PAPPA: variants seen among roughly 807,000 people sequenced by gnomAD.
The protein encoded by PAPPA is pappalysin-1.
In PAPPA, 60 loss-of-function variants were observed where a neutral mutation model predicts 164.0. That is an observed-to-expected ratio of 0.37 (90% CI 0.30 to 0.45). The LOEUF (loss-of-function observed/expected upper bound fraction) is 0.45. Among genes scored for constraint, PAPPA ranks in the 20% least tolerant of loss-of-function variants. The pLI is 1.00. For synonymous variants in PAPPA, 875 were observed against 814.1 expected (o/e 1.07, Z -1.27); for missense variants, 1,782 against 2,087.3 (o/e 0.85, Z 2.85).
intron 1 of PAPPA, among the ~76,000 whole-genome samples, chr9:116,181,326 CTCTCTCTCTCTCTT>C (rs535740441): frequency 0.029 from 4,382 of 151,010 alleles, 189 homozygotes; most frequent in East Asian, 0.12. Context: ...TCCAAGACCT[CTCTCTCTCTCTCTT>C]TCTCTCTCTC....
Position 116,399,133 on chromosome 9 carries a change from T to C in PAPPA, c.*2517T>C, listed in dbSNP as rs1477768369. 2 of 158,430 alleles carry C rather than the reference T, an allele frequency of 1.3e-5. No individual in the cohort carries two copies. The highest frequency in any genetic ancestry group is 1.3e-4 in the Admixed American group (2 of 15,916). The allele number at this position is 158,430 out of a possible 1,614,324, so 9.8% of individuals were successfully genotyped here. ...TTCCCTCAAATCAGTCCTTATCCTC[T>C]TTCTATCTTCACTCCCATCATCATC... On this transcript the variant is annotated 3_prime_UTR_variant, in exon 22 of 22. Coordinates refer to ENST00000328252, the MANE Select transcript of PAPPA (RefSeq NM_002581.5).
intron 21 of PAPPA, among the ~76,000 whole-genome samples, chr9:116,386,437 T>C (rs910040356): frequency 6.6e-6 from 1 of 152,192 alleles, no homozygotes; most frequent in African/African-American, 2.4e-5. Context: ...TCAGACACTC[T>C]GCGAGACACT....
intron 13 of PAPPA, among the ~76,000 whole-genome samples, chr9:116,337,033 C>CA (rs1397399322): frequency 6.6e-6 from 1 of 152,128 alleles, no homozygotes; most frequent in Non-Finnish European, 1.5e-5. Context: ...CTCAGAGAAA[C>CA]AGAGTGAGTG....
intron 19 of PAPPA, among the ~76,000 whole-genome samples, chr9:116,376,153 T>C (rs1251299917): frequency 6.6e-6 from 1 of 151,918 alleles, no homozygotes; most frequent in Non-Finnish European, 1.5e-5. Context: ...CCCAAGTAGC[T>C]GGGACTACAG....
At chr9:116,341,734 G>A (rs1220608424) in intron 13 of PAPPA, among the ~76,000 whole-genome samples, 8 of 152,214 alleles carry the variant, frequency 5.3e-5, no homozygotes, top group Non-Finnish European at 8.8e-5. Flanking sequence ...CTGGTGCTCA[G>A]TAAAGCCCCC....
chr9:116,395,209 G>C (rs1027244513), intron 21 of PAPPA, among the ~76,000 whole-genome samples: 6 of 152,108 alleles, frequency 3.9e-5, no homozygotes, highest in African/African-American at 1.4e-4. Context: ...GAGAGAGCTG[G>C]GGCATATACT....
chr9:116,396,298 C>G (rs946990005), intron 21 of PAPPA, among the ~76,000 whole-genome samples: 6 of 152,166 alleles, frequency 3.9e-5, no homozygotes, highest in African/African-American at 1.2e-4. Context: ...ATGCCTGACC[C>G]ATAGCAAGTG....
intron 18 of PAPPA, among the ~76,000 whole-genome samples, chr9:116,363,852 G>T (rs1846463138): frequency 1.3e-5 from 2 of 152,316 alleles, no homozygotes; most frequent in South Asian, 4.1e-4. Context: ...GAAAACACAT[G>T]CCCTCAGATA....
chr9:116,352,009 C>T (rs1846288388), intron 15 of PAPPA, among the ~76,000 whole-genome samples: 1 of 152,230 alleles, frequency 6.6e-6, no homozygotes. Context: ...AAAAGCCTAA[C>T]TCCCGTGTTT....
In PAPPA at chr9:116,282,622, C is replaced by A. The variant is rs112225245; in HGVS notation, c.2953+11206C>A. 1.7e-3 allele frequency among the ~76,000 whole-genome samples: 265 copies of A among 152,336 alleles called. 1 individual carries two copies. Among genetic ancestry groups the A allele is most frequent in the African/African-American group, 6.0e-3 (249 of 41,574 alleles). ...AGGAAATGGAGGCACAGAGATGTTACGTTCCCAGTAAGGGATTCTAGCCCT... is the reference window on the plus strand; with the variant it reads ...AGGAAATGGAGGCACAGAGATGTTAAGTTCCCAGTAAGGGATTCTAGCCCT... On this transcript the variant is annotated intron_variant, in intron 9 of 21. Transcript: ENST00000328252.
intron 12 of PAPPA, among the ~76,000 whole-genome samples, chr9:116,334,358 A>C (rs1408360970): frequency 6.6e-6 from 1 of 151,752 alleles, no homozygotes; most frequent in Non-Finnish European, 1.5e-5. Flanking sequence ...ACGATTCTCA[A>C]CCTCTTCTGC....
intron 1 of PAPPA, among the ~76,000 whole-genome samples, chr9:116,157,538 T>C (rs1457743093): frequency 6.6e-6 from 1 of 151,836 alleles, no homozygotes; most frequent in East Asian, 1.9e-4. Flanking sequence ...GTGAAAAGGG[T>C]CCTCAGAGGT....
intron 20 of PAPPA, 80 bp from the exon 21 acceptor site, chr9:116,382,315 C>T (rs766821192): frequency 4.8e-5 from 41 of 856,496 alleles, no homozygotes; most frequent in Non-Finnish European, 7.7e-5. Flanking sequence ...GACAGACACC[C>T]GAAGGACTGC....
At chr9:116,355,954 T>C (rs762373497) in intron 17 of PAPPA, among the ~76,000 whole-genome samples, 39 of 152,214 alleles carry the variant, frequency 2.6e-4, no homozygotes, top group Non-Finnish European at 3.8e-4. Context: ...AATCTAGTAT[T>C]CACCTCAGAT....
At chr9:116,238,448 C>A (rs147106562) in intron 7 of PAPPA, among the ~76,000 whole-genome samples, 2 of 152,326 alleles carry the variant, frequency 1.3e-5, no homozygotes, top group Non-Finnish European at 2.9e-5. Flanking sequence ...ACTTGCTCAA[C>A]TCACAAATAT....
intron 2 of PAPPA, among the ~76,000 whole-genome samples, chr9:116,201,694 G>A (rs1423999902): frequency 6.6e-6 from 1 of 152,128 alleles, no homozygotes; most frequent in African/African-American, 2.4e-5. Context: ...TTTCACATGT[G>A]AGGAAATTGA....
chr9:116,282,686 A>G (rs189882272), intron 9 of PAPPA, among the ~76,000 whole-genome samples: 3 of 152,272 alleles, frequency 2.0e-5, no homozygotes, highest in Admixed American at 2.0e-4. Context: ...CTTAACTACT[A>G]ATTTATGCTA....
chr9:116,335,570 G>T lies in PAPPA; in HGVS notation c.3611+496G>T, dbSNP rs562364274. 3.9e-5 allele frequency among the ~76,000 whole-genome samples: 6 copies of T among 152,242 alleles called. No individual in the cohort carries two copies. In the South Asian group the frequency reaches 1.0e-3, roughly 26 times the overall value. ...AATCTCTATGTCTTCCACAAGCCTA[G>T]CTCCTGTGACCTCATGAGTGGTCTA... On this transcript the variant is annotated intron_variant, in intron 13 of 21. Transcript: ENST00000328252.
intron 3 of PAPPA, 27 bp downstream of exon 3, chr9:116,207,628 G>T (rs1316813445): frequency 2.5e-6 from 4 of 1,596,530 alleles, no homozygotes; most frequent in Non-Finnish European, 2.6e-6. Flanking sequence ...CCTTCAGGAG[G>T]CAACTAGAGT....
Sources: gnomAD v4.1 joint callset for allele counts (sites outside exome capture counted in the v4.1 genomes callset) on GRCh38, gnomAD v4.1.1 for gene constraint, MANE v1.5 for transcripts, NCBI Gene and HGNC (gene_info 2026-07-23, HGNC 2026-07-21) for gene names.